The following TMEM182 variants were observed in gnomAD, a reference collection of about 807,000 sequenced individuals.
TMEM182 encodes the protein transmembrane protein 182.
Under a neutral mutation model 26.8 loss-of-function variants are expected in TMEM182, and 20 were observed. The ratio of observed to expected loss-of-function variants is 0.75; its 90% CI spans 0.53 to 1.09. The LOEUF (loss-of-function observed/expected upper bound fraction) is 1.09. Ranked by LOEUF, TMEM182 falls within the 50% of genes least tolerant of loss-of-function variation. TMEM182 has a pLI of 0.00. For synonymous variants in TMEM182, 109 were observed against 102.2 expected, an observed-to-expected ratio of 1.07 and a Z score of -0.40; for missense variants, 277 against 275.5, an observed-to-expected ratio of 1.01 and a Z score of -0.04.
At chr2:102,740,110 A>G (rs1453590212) in intron 1 of TMEM182, among the ~76,000 whole-genome samples, 2 of 152,344 alleles carry the variant, frequency 1.3e-5, no homozygotes, top group East Asian at 1.9e-4. Flanking sequence ...GATATTATTA[A>G]GATGACCATT....
intron 4 of TMEM182, among the ~76,000 whole-genome samples, chr2:102,813,719 A>G (rs1682636100): frequency 6.6e-6 from 1 of 152,182 alleles, no homozygotes; most frequent in Non-Finnish European, 1.5e-5. Context: ...GGTATTCTCC[A>G]GTTTCAGGAT....
intron 3 of TMEM182, among the ~76,000 whole-genome samples, chr2:102,793,935 T>G (rs1302796908): frequency 1.3e-5 from 2 of 152,192 alleles, no homozygotes; most frequent in East Asian, 1.9e-4. Flanking sequence ...CCACACATGG[T>G]GGCTCATGCC....
At chr2:102,779,622 TA>T (rs1364244135) in intron 3 of TMEM182, among the ~76,000 whole-genome samples, 11 of 152,238 alleles carry the variant, frequency 7.2e-5, no homozygotes, top group Admixed American at 4.6e-4. Flanking sequence ...ACACATATGT[TA>T]ATGTTTTCAT....
At chr2:102,836,214 G>T (rs1035734333) in intron 3 of TMEM182, among the ~76,000 whole-genome samples, 1 of 152,120 alleles carries the variant, frequency 6.6e-6, no homozygotes, top group Non-Finnish European at 1.5e-5. Flanking sequence ...GCAGATTTTT[G>T]TGGGGACACA....
rs58667727 is a variant in TMEM182 at position 102,816,510 on chromosome 2, C to CAATAAT, written c.*1575_*1580dup. ...AGGGCATTTTCATGACAGGACTTGC[C>CAATAAT]AATAATAATAATAATAATAATAATA... On this transcript the variant is annotated 3_prime_UTR_variant, in exon 5 of 5. Coordinates refer to ENST00000412401, the MANE Select transcript of TMEM182 (RefSeq NM_144632.5). The CAATAAT allele has an allele frequency of 0.091, 83,746 of 921,386 alleles. 1,803 individuals carry two copies. The highest frequency in any genetic ancestry group is 0.14 in the African/African-American group (7,123 of 52,662). 57.1% of individuals were successfully genotyped at this position (921,386 alleles called of 1,614,324 possible).
rs181281414 is a variant in TMEM182 at position 102,756,338 on chromosome 2, C to T, written c.-82-2051C>T. On this transcript the variant is annotated intron_variant, in intron 1 of 5. Coordinates refer to the TMEM182 transcript ENST00000409173. Reference sequence around the variant, plus strand: ...ATATAAAGCTAATACATAGAAACACCGCTCATTTGACACACGTCATCTTAC... The same window carrying T: ...ATATAAAGCTAATACATAGAAACACTGCTCATTTGACACACGTCATCTTAC... 1.6e-4 allele frequency among the ~76,000 whole-genome samples: 24 copies of T among 152,230 alleles called. No individual in the cohort carries two copies. The East Asian group carries it at 1.7e-3, about 11-fold the overall frequency.
intron 3 of TMEM182, among the ~76,000 whole-genome samples, chr2:102,830,953 C>T (rs899934417): frequency 1.2e-4 from 18 of 152,098 alleles, no homozygotes; most frequent in African/African-American, 3.9e-4. Flanking sequence ...AGTGAGAACA[C>T]GTGATGTTTG....
intron 3 of TMEM182, among the ~76,000 whole-genome samples, chr2:102,782,502 T>G (rs1232644480): frequency 6.6e-6 from 1 of 152,196 alleles, no homozygotes; most frequent in Admixed American, 6.5e-5. Flanking sequence ...TCATATTTTA[T>G]GCAATCATAC....
At chr2:102,789,246 GTTT>G (rs978855722) in intron 3 of TMEM182, among the ~76,000 whole-genome samples, 1 of 152,188 alleles carries the variant, frequency 6.6e-6, no homozygotes, top group African/African-American at 2.4e-5. Flanking sequence ...AATATAGCAA[GTTT>G]TGAAAAATGA....
At position 102,801,301 on chromosome 2, in the gene TMEM182, C is replaced by T. The variant is rs191019908; in HGVS notation, c.469+3301C>T. Among the ~76,000 whole-genome samples, 49 of 152,246 alleles carry T rather than the reference C, an allele frequency of 3.2e-4. 1 individual carries two copies. The highest frequency in any genetic ancestry group is 8.5e-4 in the Admixed American group (13 of 15,288). On this transcript the variant is annotated intron_variant, in intron 4 of 4. Transcript: ENST00000412401. ...TAAAGCAGGAGGATTTTATGGAGTG[C>T]ACTCAGACCCAGTGGATTAACATCC...
At chr2:102,842,942 C>A (rs1184897488) in intron 3 of TMEM182, among the ~76,000 whole-genome samples, 1 of 152,166 alleles carries the variant, frequency 6.6e-6, no homozygotes, top group Non-Finnish European at 1.5e-5. Flanking sequence ...GGAGGGGCCA[C>A]TGACACCTCC....
At chr2:102,819,474 ATGT>A (rs1349751503), downstream of TMEM182, among the ~76,000 whole-genome samples, 1 of 152,180 alleles carries the variant, frequency 6.6e-6, no homozygotes, top group Non-Finnish European at 1.5e-5. Context: ...TAACTTGTCT[ATGT>A]GTACCTATAA....
At chr2:102,757,193 G>A (rs759578500), upstream of TMEM182, among the ~76,000 whole-genome samples, 5 of 152,066 alleles carry the variant, frequency 3.3e-5, no homozygotes, top group Non-Finnish European at 7.4e-5. Flanking sequence ...TTTCCCCCAG[G>A]CTCATCTACT....
At chr2:102,794,766 T>A (rs535058926) in intron 3 of TMEM182, among the ~76,000 whole-genome samples, 3 of 152,334 alleles carry the variant, frequency 2.0e-5, no homozygotes, top group African/African-American at 7.2e-5. Context: ...TTATTATGTG[T>A]CTTGACTAAT....
At chr2:102,823,205 A>G (rs1293558969) in intron 3 of TMEM182, among the ~76,000 whole-genome samples, 1 of 152,250 alleles carries the variant, frequency 6.6e-6, no homozygotes, top group East Asian at 1.9e-4. Flanking sequence ...TTGATTTTCT[A>G]GATAAGCATT....
Position 102,815,178 on chromosome 2 carries a change from A to G in TMEM182, c.*210A>G. ...GCCTCTATCTTGTCTAAGTGCTGTC[A>G]AGGACCTAGTTCTTTAGGGAATAGG... On this transcript the variant is annotated 3_prime_UTR_variant, in exon 5 of 5. Transcript: ENST00000412401. The G allele has an allele frequency of 7.2e-7, 1 of 1,385,176 alleles. No homozygotes were observed. Among genetic ancestry groups the G allele is most frequent in the Non-Finnish European group, 9.3e-7 (1 of 1,073,152 alleles). 85.8% of individuals were successfully genotyped at this position (1,385,176 alleles called of 1,614,324 possible).
intron 3 of TMEM182, among the ~76,000 whole-genome samples, chr2:102,838,881 C>G (rs1683298337): frequency 6.6e-6 from 1 of 152,098 alleles, no homozygotes; most frequent in African/African-American, 2.4e-5. Context: ...TACACTGTCG[C>G]TGTGAAAAAT....
chr2:102,748,555 A>T (rs1168321823), intron 1 of TMEM182, among the ~76,000 whole-genome samples: 2 of 152,200 alleles, frequency 1.3e-5, no homozygotes, highest in African/African-American at 4.8e-5. Flanking sequence ...AATTGCTTGA[A>T]TTCTATTTTT....
Position 102,755,672 on chromosome 2 carries a change from G to A in TMEM182, c.-82-2717G>A, listed in dbSNP as rs145749329. On this transcript the variant is annotated intron_variant, in intron 1 of 5. Coordinates refer to the TMEM182 transcript ENST00000409173. ...GTAGTGCTCTGTAGAAATTCAGCTT[G>A]TATTTAGCACTCAGACACTTCCCTC... Among the ~76,000 whole-genome samples the A allele has an allele frequency of 1.3e-3, 200 of 152,302 alleles. 3 individuals are homozygous for A. In the East Asian group the frequency reaches 0.019, roughly 14 times the overall value.
Sources: allele counts gnomAD v4.1 joint callset (sites outside exome capture counted in the v4.1 genomes callset), GRCh38; gene constraint gnomAD v4.1.1; transcripts MANE v1.5; gene names NCBI Gene and HGNC (gene_info 2026-07-23, HGNC 2026-07-21).